The following PTPRM variants were observed in gnomAD, a reference collection of about 807,000 sequenced individuals.
PTPRM encodes receptor-type tyrosine-protein phosphatase mu.
Under a neutral mutation model 186.7 loss-of-function variants are expected in PTPRM, and 47 were observed. The observed-to-expected ratio is 0.25, with a 90% CI of 0.20 to 0.32. The LOEUF (loss-of-function observed/expected upper bound fraction) is 0.32. PTPRM is among the 10% of genes least tolerant of loss of function. PTPRM has a pLI of 1.00. For synonymous variants in PTPRM, 668 were observed against 674.9 expected (o/e 0.99, Z 0.16); for missense variants, 1,494 against 1,865.0 (o/e 0.80, Z 3.66).
chr18:7,642,837 G>C (rs1342338352), intron 1 of PTPRM, among the ~76,000 whole-genome samples: 2 of 123,442 alleles, frequency 1.6e-5, no homozygotes, highest in Admixed American at 8.9e-5. Context: ...ACTTCAGTAA[G>C]AGCCTTTACT....
At chr18:8,157,740 T>C (rs2093151758) in intron 14 of PTPRM, among the ~76,000 whole-genome samples, 1 of 152,222 alleles carries the variant, frequency 6.6e-6, no homozygotes, top group Admixed American at 6.5e-5. Flanking sequence ...GCATCAATAC[T>C]ACCATGCTTG....
chr18:8,255,615 T>C (rs1387022658), intron 19 of PTPRM, among the ~76,000 whole-genome samples: 1 of 152,020 alleles, frequency 6.6e-6, no homozygotes, highest in Non-Finnish European at 1.5e-5. Flanking sequence ...CCTAAAGCCA[T>C]TGTTCATTTA....
At chr18:7,805,012 G>A (rs1263268997) in intron 2 of PTPRM, among the ~76,000 whole-genome samples, 1 of 152,178 alleles carries the variant, frequency 6.6e-6, no homozygotes, top group Non-Finnish European at 1.5e-5. Flanking sequence ...TGAGCCAATG[G>A]AAAATATATT....
chr18:8,051,647 T>G, intron 7 of PTPRM, among the ~76,000 whole-genome samples: 1 of 152,250 alleles, frequency 6.6e-6, no homozygotes, highest in Non-Finnish European at 1.5e-5. Context: ...AATGTGTTTC[T>G]GAAACACATT....
At chr18:8,386,563 T>C (rs1000131107) in intron 30 of PTPRM, among the ~76,000 whole-genome samples, 5 of 152,204 alleles carry the variant, frequency 3.3e-5, no homozygotes, top group Non-Finnish European at 1.5e-5. Flanking sequence ...AAGTAACACT[T>C]TTTTGAATTC....
intron 7 of PTPRM, among the ~76,000 whole-genome samples, chr18:8,068,383 A>AT (rs1255550421): frequency 6.6e-6 from 1 of 152,304 alleles, no homozygotes; most frequent in African/African-American, 2.4e-5. Flanking sequence ...TGAATGCTGA[A>AT]TTTTTTGTAG....
At chr18:7,774,405 G>A (rs2144974588) in intron 2 of PTPRM, 134 bp downstream of exon 2, 5 of 1,050,654 alleles carry the variant, frequency 4.8e-6, no homozygotes, top group Non-Finnish European at 6.9e-6. Context: ...GGATTAGCTA[G>A]TGAGAGTGGT....
intron 23 of PTPRM, among the ~76,000 whole-genome samples, chr18:8,354,579 C>T (rs2095553744): frequency 2.0e-5 from 3 of 151,786 alleles, no homozygotes; most frequent in Non-Finnish European, 4.4e-5. Flanking sequence ...GCTCTTATCA[C>T]AGCTACCCTG....
rs1031354086 is a variant in PTPRM at position 8,253,115 on chromosome 18, AT to A, written c.2567-108del. On this transcript the variant is annotated intron_variant, in intron 18 of 32. Transcript: ENST00000580170. Reference sequence around the variant, plus strand: ...CTTTTTTGCTGAGCCATCGTAGGGAATTTTGCACCCCTAGGTGAGGGGATGC... The same window carrying A: ...CTTTTTTGCTGAGCCATCGTAGGGAATTTGCACCCCTAGGTGAGGGGATGC... 4 of 850,308 alleles carry A rather than the reference AT, an allele frequency of 4.7e-6. No homozygotes were observed. The African/African-American group carries it at 7.1e-5, about 15-fold the overall frequency. The allele number at this position is 850,308 out of a possible 1,614,324, so 52.7% of individuals were successfully genotyped here.
At chr18:7,994,304 C>T (rs558770539) in intron 7 of PTPRM, among the ~76,000 whole-genome samples, 1 of 151,054 alleles carries the variant, frequency 6.6e-6, no homozygotes, top group African/African-American at 2.4e-5. Context: ...ACACCTAACA[C>T]TGGTGCACAA....
At chr18:7,848,307 G>A (rs2046698352) in intron 2 of PTPRM, among the ~76,000 whole-genome samples, 1 of 152,166 alleles carries the variant, frequency 6.6e-6, no homozygotes, top group African/African-American at 2.4e-5. Context: ...TTGTCTTTCT[G>A]TAGTCAAATA....
chr18:7,679,325 T>A (rs1326498540), intron 1 of PTPRM, among the ~76,000 whole-genome samples: 1 of 152,162 alleles, frequency 6.6e-6, no homozygotes. Flanking sequence ...CCAGGTTTGG[T>A]TCCTAGGTAT....
At chr18:7,807,561 A>G (rs1381625716) in intron 2 of PTPRM, among the ~76,000 whole-genome samples, 4 of 152,330 alleles carry the variant, frequency 2.6e-5, no homozygotes, top group South Asian at 4.1e-4. Flanking sequence ...TTAAATATCA[A>G]AAAGGCAGCT....
intron 13 of PTPRM, among the ~76,000 whole-genome samples, chr18:8,140,202 A>G (rs1456150256): frequency 6.6e-6 from 1 of 152,112 alleles, no homozygotes; most frequent in Non-Finnish European, 1.5e-5. Context: ...CACCACTGAC[A>G]GCCTTCATGG....
chr18:7,783,549 CCT>C (rs2042952969), intron 2 of PTPRM, among the ~76,000 whole-genome samples: 1 of 151,988 alleles, frequency 6.6e-6, no homozygotes, highest in African/African-American at 2.4e-5. Context: ...AGAACAGTGC[CCT>C]CTCTTTTTAT....
intron 5 of PTPRM, among the ~76,000 whole-genome samples, chr18:7,945,828 C>CTGAA (rs1270372742): frequency 1.3e-5 from 2 of 152,156 alleles, no homozygotes; most frequent in East Asian, 1.9e-4. Flanking sequence ...GAACGAATGC[C>CTGAA]TGAATCCATG....
At chr18:8,113,824 T>C in intron 12 of PTPRM, 65 bp downstream of exon 12, 1 of 1,398,844 alleles carries the variant, frequency 7.1e-7, no homozygotes, top group East Asian at 2.3e-5. Context: ...ATAGATTAAG[T>C]AAAATAGTAG....
At chr18:8,287,713 TC>T (rs1287622907) in intron 19 of PTPRM, among the ~76,000 whole-genome samples, 2 of 152,170 alleles carry the variant, frequency 1.3e-5, no homozygotes, top group African/African-American at 4.8e-5. Context: ...AAATTACAGC[TC>T]TTGAGTAGTG....
chr18:8,177,148 T>G (rs1296814102), intron 14 of PTPRM, among the ~76,000 whole-genome samples: 3 of 152,230 alleles, frequency 2.0e-5, no homozygotes, highest in African/African-American at 7.2e-5. Flanking sequence ...TTAAGTATTT[T>G]TTAACCTTTA....
Sources: gnomAD v4.1 joint callset for allele counts (sites outside exome capture counted in the v4.1 genomes callset) on GRCh38, gnomAD v4.1.1 for gene constraint, MANE v1.5 for transcripts, NCBI Gene and HGNC (gene_info 2026-07-23, HGNC 2026-07-21) for gene names.